Variants in SLC38A1 observed in about 807,000 individuals in gnomAD.
The protein encoded by SLC38A1 is sodium-coupled neutral amino acid symporter 1.
In SLC38A1, 18 loss-of-function variants were observed where a neutral mutation model predicts 60.3. The ratio of observed to expected loss-of-function variants is 0.30; its 90% CI spans 0.21 to 0.44. The LOEUF (loss-of-function observed/expected upper bound fraction) is 0.44. Among genes scored for constraint, SLC38A1 ranks in the 20% least tolerant of loss-of-function variants. The pLI, the probability that SLC38A1 is intolerant of heterozygous loss-of-function variation, is 1.00. For missense variants in SLC38A1, 448 were observed against 587.2 expected (o/e 0.76, Z 2.45); for synonymous variants, 196 against 212.1 (o/e 0.92, Z 0.66).
chr12:46,214,150 C>T (rs1940301571), intron 5 of SLC38A1, among the ~76,000 whole-genome samples: 1 of 152,322 alleles, frequency 6.6e-6, no homozygotes. Flanking sequence ...TTGGCATCTA[C>T]TTTTTGCCAT....
chr12:46,194,341 A>C (rs1377253282), intron 16 of SLC38A1, among the ~76,000 whole-genome samples: 4 of 152,084 alleles, frequency 2.6e-5, no homozygotes. Flanking sequence ...AGGTAACCCA[A>C]CCTCTCTTTC....
intron 1 of SLC38A1, among the ~76,000 whole-genome samples, chr12:46,265,136 T>C (rs1942313079): frequency 6.6e-6 from 1 of 152,218 alleles, no homozygotes; most frequent in Non-Finnish European, 1.5e-5. Flanking sequence ...CATTAAATCT[T>C]TACCATCACT....
intron 5 of SLC38A1, among the ~76,000 whole-genome samples, chr12:46,211,359 A>C (rs770204828): frequency 1.5e-4 from 23 of 152,222 alleles, no homozygotes; most frequent in Non-Finnish European, 2.8e-4. Flanking sequence ...ATGTATAAAG[A>C]GTATGACCTT....
intron 1 of SLC38A1, among the ~76,000 whole-genome samples, chr12:46,264,475 T>C (rs781146040): frequency 1.3e-5 from 2 of 152,210 alleles, no homozygotes; most frequent in Admixed American, 6.5e-5. Flanking sequence ...CTGTTATTAG[T>C]AAGGTTATCA....
chr12:46,253,702 A>G (rs890581016), intron 1 of SLC38A1, among the ~76,000 whole-genome samples: 1 of 152,124 alleles, frequency 6.6e-6, no homozygotes, highest in African/African-American at 2.4e-5. Flanking sequence ...TCTCAGCCTC[A>G]TTTTACTCAG....
intron 1 of SLC38A1, among the ~76,000 whole-genome samples, chr12:46,248,406 C>A (rs1941701389): frequency 6.6e-6 from 1 of 152,112 alleles, no homozygotes. Context: ...ATAAAACAGA[C>A]TTTAAATGAA....
intron 16 of SLC38A1, among the ~76,000 whole-genome samples, chr12:46,193,845 T>G (rs1052659658): frequency 1.3e-5 from 2 of 152,154 alleles, no homozygotes; most frequent in Admixed American, 1.3e-4. Context: ...ATGAGATGGG[T>G]CTCCTCAATA....
intron 8 of SLC38A1, among the ~76,000 whole-genome samples, chr12:46,206,385 T>TC (rs975143391): frequency 1.3e-5 from 2 of 151,462 alleles, no homozygotes; most frequent in Admixed American, 6.6e-5. Context: ...TATTGGTTTT[T>TC]TTTTTTCCCA....
chr12:46,218,031 T>C (rs557604334), intron 5 of SLC38A1, among the ~76,000 whole-genome samples: 2 of 152,354 alleles, frequency 1.3e-5, no homozygotes, highest in African/African-American at 4.8e-5. Flanking sequence ...AAGAGGAATC[T>C]AAAAGAAGTA....
At chr12:46,254,386 C>T (rs567394122) in intron 1 of SLC38A1, among the ~76,000 whole-genome samples, 1 of 152,318 alleles carries the variant, frequency 6.6e-6, no homozygotes, top group African/African-American at 2.4e-5. Flanking sequence ...TTACTAAAGA[C>T]AAATCATAGT....
At chr12:46,225,480 C>T (rs1940827185) in intron 5 of SLC38A1, among the ~76,000 whole-genome samples, 1 of 152,140 alleles carries the variant, frequency 6.6e-6, no homozygotes, top group Non-Finnish European at 1.5e-5. Context: ...CACATGCCTG[C>T]TGGGATAATC....
At chr12:46,256,133 TC>T (rs1942013198) in intron 1 of SLC38A1, among the ~76,000 whole-genome samples, 1 of 132,884 alleles carries the variant, frequency 7.5e-6, no homozygotes, top group Non-Finnish European at 1.5e-5. Context: ...GCCACTGCAC[TC>T]CAGCCTGGGC....
chr12:46,197,285 A>C (rs549372467), intron 16 of SLC38A1: 3 of 164,474 alleles, frequency 1.8e-5, no homozygotes, highest in African/African-American at 7.2e-5. Context: ...GTCAGGAGAT[A>C]CAGACCATCC....
intron 5 of SLC38A1, among the ~76,000 whole-genome samples, chr12:46,209,902 A>T (rs908219479): frequency 6.6e-6 from 1 of 152,258 alleles, no homozygotes. Context: ...TAAAACAGAC[A>T]TGATAATTGA....
At chr12:46,216,016 A>G (rs1940395882) in intron 5 of SLC38A1, among the ~76,000 whole-genome samples, 1 of 152,164 alleles carries the variant, frequency 6.6e-6, no homozygotes, top group Non-Finnish European at 1.5e-5. Context: ...TAGACAAACC[A>G]TAGGAAATGC....
intron 16 of SLC38A1, among the ~76,000 whole-genome samples, chr12:46,192,960 T>C (rs571319228): frequency 6.6e-6 from 1 of 152,352 alleles, no homozygotes; most frequent in Non-Finnish European, 1.5e-5. Context: ...TAGTTATTTC[T>C]TACCTTCTGC....
chr12:46,202,381 C>A (rs777769424), intron 12 of SLC38A1, among the ~76,000 whole-genome samples: 3 of 152,016 alleles, frequency 2.0e-5, no homozygotes, highest in South Asian at 2.1e-4. Context: ...TTTTAAGATA[C>A]GCTATTGTGA....
intron 11 of SLC38A1, among the ~76,000 whole-genome samples, chr12:46,203,344 A>T (rs918973541): frequency 5.3e-5 from 8 of 152,290 alleles, no homozygotes; most frequent in African/African-American, 1.9e-4. Context: ...TACTCCAGGT[A>T]TACAACACCC....
intron 1 of SLC38A1, among the ~76,000 whole-genome samples, chr12:46,256,648 G>GAGAGAGAGAGAGAC (rs1942040528): frequency 6.6e-6 from 1 of 150,932 alleles, no homozygotes. Context: ...GAGAGAGAGA[G>GAGAGAGAGAGAGAC]AGAGAGAGAG....
Sources: allele counts gnomAD v4.1 joint callset (sites outside exome capture counted in the v4.1 genomes callset), GRCh38; gene constraint gnomAD v4.1.1; transcripts MANE v1.5; gene names NCBI Gene and HGNC (gene_info 2026-07-23, HGNC 2026-07-21).